The following ZFHX2 variants were observed in gnomAD, a reference collection of about 807,000 sequenced individuals.
ZFHX2 encodes zinc finger homeobox 2, also known as zinc finger homeobox protein 2.
A neutral mutation model predicts 164.8 loss-of-function variants in ZFHX2; 75 were observed. The observed-to-expected ratio is 0.46, with a 90% CI of 0.38 to 0.55. The LOEUF is 0.55. Among genes scored for constraint, ZFHX2 ranks in the 20% least tolerant of loss-of-function variants. The probability of loss-of-function intolerance (pLI) is 0.00; values close to 1 mark genes in which losing one functional copy is unlikely to be tolerated. For missense variants in ZFHX2, 2,933 were observed against 3,308.0 expected (o/e 0.89, Z 2.78); for synonymous variants, 1,217 against 1,351.4 (o/e 0.90, Z 2.18).
In ZFHX2 at chr14:23,525,865, C is replaced by T. The variant is rs968403575; in HGVS notation, c.4077G>A (p.Gln1359=). 1.4e-6 allele frequency: 2 copies of T among 1,453,514 alleles called. No individual in the cohort carries two copies. The highest frequency in any genetic ancestry group is 1.8e-6 in the Non-Finnish European group (2 of 1,109,766). The allele number at this position is 1,453,514 out of a possible 1,614,324, so 90.0% of individuals were successfully genotyped here. The change falls in exon 9 of 10, where the codon CAG becomes CAA. Residue 1359 remains glutamine, a synonymous_variant. Transcript: ENST00000419474. The surrounding 1 kb of genome is among the most constrained non-coding windows in gnomAD (Gnocchi z 5.9). ...AGAAGGGCAGGAGCAGCTGCTGCTGCTGGAGCTTAAGCAGTGATTCGGGCA... is the reference window on the plus strand; with the variant it reads ...AGAAGGGCAGGAGCAGCTGCTGCTGTTGGAGCTTAAGCAGTGATTCGGGCA... ...PLVPESLLKL[Q]QQQLLLPFYL...
In ZFHX2 at chr14:23,522,663, G is replaced by C; in HGVS notation, c.7018C>G (p.Leu2340Val). Residue 2340 changes from leucine (L) to valine (V), a missense_variant, in exon 10 of 10, where the codon CTG becomes GTG. Physicochemically the swap from Leu to Val is conservative, Grantham distance 32. Transcript: ENST00000419474. ...AAGGGCAGGAACTGGCCCCCCAACA[G>C]GGCTGGGACAGTGGTCTTCAATGCT... ...LKALKTTVPA[L>V]LGGQFLPFPL... is the part of the protein sequence containing the mutation. 1 of 1,536,488 alleles carries C rather than the reference G, an allele frequency of 6.5e-7. No individual in the cohort carries two copies. Among genetic ancestry groups the C allele is most frequent in the Non-Finnish European group, 8.7e-7 (1 of 1,146,946 alleles).
Position 23,532,993 on chromosome 14 carries a change from G to C in ZFHX2, c.2133C>G (p.Asp711Glu). ...GGAACACCTTCAGGGACAGGCTGTC[G>C]TCTGGGGGTGGTGAGGTGGGCAGGC... ...SDSLPTSPPP[D>E]DSLSLKVFRC... The change falls in exon 3 of 10, where the codon GAC becomes GAG. Residue 711 changes from aspartate (D) to glutamate (E), a missense_variant. Coordinates refer to ENST00000419474, the MANE Select transcript of ZFHX2 (RefSeq NM_033400.3). 6.5e-7 allele frequency: 1 copy of C among 1,536,208 alleles called. No homozygotes were observed. Among genetic ancestry groups the C allele is most frequent in the African/African-American group, 1.4e-5 (1 of 73,168 alleles).
chr14:23,548,990 C>T (rs1328797742), intron 1 of ZFHX2, among the ~76,000 whole-genome samples: 1 of 152,156 alleles, frequency 6.6e-6, no homozygotes, highest in East Asian at 1.9e-4. Flanking sequence ...CCTCAGCACT[C>T]CTTCGTTTGC....
In ZFHX2 at chr14:23,522,039, C is replaced by T; in HGVS notation, c.7642G>A (p.Ala2548Thr). ...TGAGGTAATCTTGCTTCCTCTTTGGCAAAAGCCACAGCAGCCGAGGCAGCA... is the reference window on the plus strand; with the variant it reads ...TGAGGTAATCTTGCTTCCTCTTTGGTAAAAGCCACAGCAGCCGAGGCAGCA... ...ATAASAAVAF[A>T]KEEARLPHTD... Residue 2548 changes from alanine to threonine, a missense_variant, in exon 10 of 10, where the codon GCC (alanine) becomes ACC (threonine). By Grantham distance (58) the Ala-to-Thr change is moderately conservative. Coordinates refer to ENST00000419474, the MANE Select transcript of ZFHX2 (RefSeq NM_033400.3). The T allele has an allele frequency of 6.5e-7, 1 of 1,536,400 alleles. No individual in the cohort carries two copies. Among genetic ancestry groups the T allele is most frequent in the Non-Finnish European group, 8.7e-7 (1 of 1,146,902 alleles).
At position 23,535,317 on chromosome 14, in the gene ZFHX2, G is replaced by A. The variant is rs1181430547; in HGVS notation, c.9C>T (p.Thr3=). 6.9e-7 allele frequency: 1 copy of A among 1,457,130 alleles called. No individual in the cohort carries two copies. The highest frequency in any genetic ancestry group is 9.0e-7 in the Non-Finnish European group (1 of 1,105,920). 90.3% of individuals were successfully genotyped at this position (1,457,130 alleles called of 1,614,324 possible). A position where few individuals can be genotyped will look rare whatever the true frequency, so the allele number is the denominator to read the frequency against. MA[T]LNSASTTGTT... is the part of the protein sequence containing the mutation. ...TACCAGTGGTAGAGGCTGAGTTAAG[G>A]GTGGCCATGGTAGACGGAGGAGTGC... Residue 3 remains threonine (T), a synonymous_variant, in exon 2 of 10, where the codon ACC becomes ACT. Coordinates refer to ENST00000419474, the MANE Select transcript of ZFHX2 (RefSeq NM_033400.3). The surrounding 1 kb of genome is among the most constrained non-coding windows in gnomAD (Gnocchi z 4.5).
Position 23,551,516 on chromosome 14 carries a change from A to C in ZFHX2, c.-223T>G, listed in dbSNP as rs1881947441. ...CGGGGCGTCAGGGACGGAGACGGAAAAAAATAAATAAATAAATTCACGGCG... is the reference window on the plus strand; with the variant it reads ...CGGGGCGTCAGGGACGGAGACGGAACAAAATAAATAAATAAATTCACGGCG... On this transcript the variant is annotated 5_prime_UTR_variant, in exon 1 of 10. Coordinates refer to ENST00000419474, the MANE Select transcript of ZFHX2 (RefSeq NM_033400.3). The surrounding 1 kb of genome is among the most constrained non-coding windows in gnomAD (Gnocchi z 5.3). 6.6e-6 allele frequency: 1 copy of C among 152,392 alleles called. No homozygotes were observed. The highest frequency in any genetic ancestry group is 2.4e-5 in the African/African-American group (1 of 41,338). 9.4% of individuals were successfully genotyped at this position (152,392 alleles called of 1,614,324 possible).
intron 1 of ZFHX2, among the ~76,000 whole-genome samples, chr14:23,541,635 C>T (rs1880828312): frequency 6.6e-6 from 1 of 152,178 alleles, no homozygotes; most frequent in Non-Finnish European, 1.5e-5. Flanking sequence ...TCTTAGCCCT[C>T]TTGATTGCTG....
rs1484983781 is a variant in ZFHX2 at position 23,525,086 on chromosome 14, T to C, written c.4856A>G (p.Tyr1619Cys). Reference sequence around the variant, plus strand: ...TCGCTCCACCTCTCCGTCTTTGGGGTAGGCGCTAGTCTCAAAGAAAGACTG... The same window carrying C: ...TCGCTCCACCTCTCCGTCTTTGGGGCAGGCGCTAGTCTCAAAGAAAGACTG... ...ALQSFFETSA[Y>C]PKDGEVERLA... Residue 1619 changes from tyrosine to cysteine, a missense_variant, in exon 9 of 10, where the codon TAC (tyrosine) becomes TGC (cysteine). Transcript: ENST00000419474. The surrounding 1 kb of genome is among the most constrained non-coding windows in gnomAD (Gnocchi z 5.9). The C allele has an allele frequency of 6.5e-7, 1 of 1,535,968 alleles. No homozygotes were observed. The highest frequency in any genetic ancestry group is 8.7e-7 in the Non-Finnish European group (1 of 1,146,914).
At chr14:23,552,203 C>A (rs1882020845), upstream of ZFHX2, among the ~76,000 whole-genome samples, 1 of 152,088 alleles carries the variant, frequency 6.6e-6, no homozygotes, top group South Asian at 2.1e-4. Context: ...GCCTCCTCCA[C>A]ACGGTTACAT....
At chr14:23,550,922 T>C in intron 1 of ZFHX2, among the ~76,000 whole-genome samples, 1 of 151,186 alleles carries the variant, frequency 6.6e-6, no homozygotes, top group African/African-American at 2.4e-5. Flanking sequence ...CCCAGGACCC[T>C]CCAGGCTGAC....
chr14:23,542,006 G>T (rs990235688), intron 1 of ZFHX2, among the ~76,000 whole-genome samples: 2 of 152,142 alleles, frequency 1.3e-5, no homozygotes, highest in Admixed American at 6.5e-5. Context: ...CAGGGAATGA[G>T]ACAAGCAGGA....
chr14:23,551,566 C>A lies in ZFHX2; in HGVS notation c.-273G>T. The A allele has an allele frequency of 6.5e-6, 1 of 152,760 alleles. No individual in the cohort carries two copies. Among genetic ancestry groups the A allele is most frequent in the South Asian group, 2.0e-4 (1 of 4,950 alleles). The allele number at this position is 152,760 out of a possible 1,614,324, so 9.5% of individuals were successfully genotyped here. A position where few individuals can be genotyped will look rare whatever the true frequency, so the allele number is the denominator to read the frequency against. On this transcript the variant is annotated 5_prime_UTR_variant, in exon 1 of 10. Coordinates refer to ENST00000419474, the MANE Select transcript of ZFHX2 (RefSeq NM_033400.3). The surrounding 1 kb of genome is among the most constrained non-coding windows in gnomAD (Gnocchi z 5.3). ...GGTGAGGGAAGTGAAGGAAAATAAT[C>A]AATGCTATTTGGCTGCGGCTGAAGT...
At position 23,523,896 on chromosome 14, in the gene ZFHX2, C is replaced by G. The variant is rs569108678; in HGVS notation, c.6046G>C (p.Ala2016Pro). Residue 2016 changes from alanine (A) to proline (P), a missense_variant, in exon 9 of 10, where the codon GCT becomes CCT. Transcript: ENST00000419474. The surrounding 1 kb of genome is among the most constrained non-coding windows in gnomAD (Gnocchi z 4.1). ...CTGCAAGCCTCACTCTCTGGAGAAG[C>G]TTTAGGTGGTTCCTCTGGGCCCTCT... ...EEEGPEEPPKASPESEACSLS... is the reference protein window; with the variant it reads ...EEEGPEEPPKPSPESEACSLS... 1.8e-5 allele frequency: 27 copies of G among 1,536,194 alleles called. No homozygotes were observed. The South Asian group carries it at 3.1e-4, about 18-fold the overall frequency.
At chr14:23,549,507 C>T (rs758108132) in intron 1 of ZFHX2, among the ~76,000 whole-genome samples, 15 of 152,040 alleles carry the variant, frequency 9.9e-5, no homozygotes, top group Non-Finnish European at 1.6e-4. Flanking sequence ...TCCTTACATA[C>T]GATAGCTTTT....
At chr14:23,550,438 G>A (rs1881832298) in intron 1 of ZFHX2, among the ~76,000 whole-genome samples, 1 of 152,236 alleles carries the variant, frequency 6.6e-6, no homozygotes, top group African/African-American at 2.4e-5. Context: ...CAGCCAAGGC[G>A]TGACACATAG....
chr14:23,529,858 T>C (rs1879299253), intron 5 of ZFHX2, 90 bp from the exon 6 acceptor site: 3 of 1,330,900 alleles, frequency 2.3e-6, no homozygotes, highest in South Asian at 2.5e-5. Flanking sequence ...AGTTGGGCAC[T>C]AGAGAAAGGG....
Position 23,525,290 on chromosome 14 carries a change from G to T in ZFHX2, c.4652C>A (p.Pro1551His). The T allele has an allele frequency of 6.5e-7, 1 of 1,536,116 alleles. No homozygotes were observed. The highest frequency in any genetic ancestry group is 1.2e-5 in the South Asian group (1 of 84,060). Residue 1551 changes from proline (P) to histidine (H), a missense_variant, in exon 9 of 10, where the codon CCC (proline) becomes CAC (histidine). By Grantham distance (77) the Pro-to-His change is moderately conservative (BLOSUM62 -2). Transcript: ENST00000419474. The surrounding 1 kb of genome is among the most constrained non-coding windows in gnomAD (Gnocchi z 5.9). ...TGCCTCAGGCTCTGGGACCAGGAAG[G>T]GTGGGCCCAGATGGGGAACAGGTGA... ...LDSPVPHLGP[P>H]FLVPEPEAGG...
At position 23,526,989 on chromosome 14, in the gene ZFHX2, G is replaced by A. The variant is rs1344546459; in HGVS notation, c.3136-16C>T. 1 of 1,491,004 alleles carries A rather than the reference G, an allele frequency of 6.7e-7. No individual in the cohort carries two copies. The highest frequency in any genetic ancestry group is 8.9e-7 in the Non-Finnish European group (1 of 1,125,906). The allele number at this position is 1,491,004 out of a possible 1,614,324, so 92.4% of individuals were successfully genotyped here. A position where few individuals can be genotyped will look rare whatever the true frequency, so the allele number is the denominator to read the frequency against. ...CAGTTGTAGCCTGCAATGAGAAAAA[G>A]CCTAGTGGCTTCACCACCACCCCCC... On this transcript the variant is annotated splice_polypyrimidine_tract_variant and intron_variant, in intron 7 of 9. Transcript: ENST00000419474.
Position 23,535,332 on chromosome 14 carries a change from C to T in ZFHX2, c.-7G>A, listed in dbSNP as rs943455819. 56 of 1,450,300 alleles carry T rather than the reference C, an allele frequency of 3.9e-5. No individual in the cohort carries two copies. Among genetic ancestry groups the T allele is most frequent in the South Asian group, 5.6e-5 (4 of 71,024 alleles). The allele number at this position is 1,450,300 out of a possible 1,614,324, so 89.8% of individuals were successfully genotyped here. A position where few individuals can be genotyped will look rare whatever the true frequency, so the allele number is the denominator to read the frequency against. ...CTGAGTTAAGGGTGGCCATGGTAGA[C>T]GGAGGAGTGCTGGGGGCTCATGTCA... On this transcript the variant is annotated 5_prime_UTR_variant, in exon 2 of 10. Transcript: ENST00000419474. The surrounding 1 kb of genome is among the most constrained non-coding windows in gnomAD (Gnocchi z 4.5).
Sources: allele counts gnomAD v4.1 joint callset (sites outside exome capture counted in the v4.1 genomes callset), GRCh38; gene constraint gnomAD v4.1.1; non-coding constraint Gnocchi (gnomAD v3.1); transcripts MANE v1.5; gene names NCBI Gene and HGNC (gene_info 2026-07-23, HGNC 2026-07-21).